CPNE4: variants seen among roughly 807,000 people sequenced by gnomAD.
CPNE4 encodes the protein copine-4.
CPNE4 carries 25 observed loss-of-function variants against 67.9 expected under a neutral mutation model. The ratio of observed to expected loss-of-function variants is 0.37; its 90% CI spans 0.27 to 0.51. CPNE4 has a LOEUF of 0.51. Among genes scored for constraint, CPNE4 ranks in the 20% least tolerant of loss-of-function variants. The pLI is 0.93. For missense variants in CPNE4, 464 were observed against 690.8 expected (o/e 0.67, Z 3.68); for synonymous variants, 242 against 244.9 (o/e 0.99, Z 0.11).
intron 2 of CPNE4, among the ~76,000 whole-genome samples, chr3:131,756,662 C>T (rs2082758044): frequency 1.3e-5 from 2 of 152,196 alleles, no homozygotes; most frequent in Non-Finnish European, 2.9e-5. Flanking sequence ...TGGCACTGGG[C>T]CATTAGTGAC....
chr3:131,970,074 G>A (rs572545898), intron 1 of CPNE4, among the ~76,000 whole-genome samples: 13 of 152,296 alleles, frequency 8.5e-5, no homozygotes, highest in African/African-American at 2.9e-4. Context: ...TGAAATTTGG[G>A]TATAGAGCCA....
chr3:131,967,410 A>G (rs966308492), intron 1 of CPNE4, among the ~76,000 whole-genome samples: 4 of 152,168 alleles, frequency 2.6e-5, no homozygotes, highest in Non-Finnish European at 5.9e-5. Flanking sequence ...GGGTATTTAA[A>G]TAGGAAGAAA....
intron 3 of CPNE4, among the ~76,000 whole-genome samples, chr3:131,712,085 T>G (rs1303214664): frequency 2.0e-5 from 3 of 152,200 alleles, no homozygotes; most frequent in Non-Finnish European, 4.4e-5. Context: ...ATTAGAATTC[T>G]TTACAAGTTT....
intron 2 of CPNE4, among the ~76,000 whole-genome samples, chr3:131,888,361 G>A (rs1490818929): frequency 6.6e-6 from 1 of 151,474 alleles, no homozygotes; most frequent in Non-Finnish European, 1.5e-5. Flanking sequence ...TTGATACACA[G>A]TTTCAAGACC....
chr3:132,034,775 G>A lies in CPNE4; in HGVS notation c.-210C>T, dbSNP rs1256435355. The A allele has an allele frequency of 3.0e-6, 3 of 985,126 alleles. No homozygotes were observed. The highest frequency in any genetic ancestry group is 1.8e-5 in the African/African-American group (1 of 57,076). The allele number at this position is 985,126 out of a possible 1,614,324, so 61.0% of individuals were successfully genotyped here. ...GGGAAAGGTGCTGAGAGCAGAGTTC[G>A]GTCTCTCCGGAAACCCTGACTCCAT... On this transcript the variant is annotated 5_prime_UTR_variant, in exon 1 of 16. Coordinates refer to ENST00000429747, the MANE Select transcript of CPNE4 (RefSeq NM_130808.3).
intron 1 of CPNE4, among the ~76,000 whole-genome samples, chr3:131,944,120 T>C (rs915419412): frequency 6.6e-6 from 1 of 152,136 alleles, no homozygotes; most frequent in African/African-American, 2.4e-5. Flanking sequence ...ACTAAAAATG[T>C]TAATTGAACT....
At chr3:131,876,869 G>A (rs544250319) in intron 2 of CPNE4, among the ~76,000 whole-genome samples, 3 of 152,194 alleles carry the variant, frequency 2.0e-5, no homozygotes, top group South Asian at 4.1e-4. Flanking sequence ...TGTAGAAGAT[G>A]CACCAGCACC....
At chr3:131,717,247 T>G (rs2081721463) in intron 3 of CPNE4, among the ~76,000 whole-genome samples, 1 of 152,134 alleles carries the variant, frequency 6.6e-6, no homozygotes, top group Non-Finnish European at 1.5e-5. Flanking sequence ...AGGTTTTTTT[T>G]TTTTTTCTTA....
At chr3:131,979,624 T>C (rs555843977) in intron 1 of CPNE4, among the ~76,000 whole-genome samples, 84 of 152,310 alleles carry the variant, frequency 5.5e-4, no homozygotes, top group African/African-American at 2.0e-3. Context: ...GTTCGTGACT[T>C]TTTATCCATT....
At chr3:131,983,078 T>C (rs2072949659) in intron 1 of CPNE4, among the ~76,000 whole-genome samples, 1 of 152,132 alleles carries the variant, frequency 6.6e-6, no homozygotes, top group African/African-American at 2.4e-5. Context: ...GAAAATACTA[T>C]AAGAACACTA....
intron 12 of CPNE4, 26 bp from the exon 13 acceptor site, chr3:131,552,517 A>G (rs746832315): frequency 1.3e-6 from 2 of 1,599,752 alleles, no homozygotes; most frequent in Admixed American, 3.4e-5. Flanking sequence ...AATTTAAAAA[A>G]CAGGAAGAAA....
chr3:131,544,743 C>A (rs1935728115), intron 14 of CPNE4, among the ~76,000 whole-genome samples: 1 of 152,074 alleles, frequency 6.6e-6, no homozygotes, highest in African/African-American at 2.4e-5. Context: ...TCATAAGTCA[C>A]CCTCTCTAGA....
chr3:131,884,894 ATC>A (rs901046720), intron 2 of CPNE4, among the ~76,000 whole-genome samples: 3 of 152,168 alleles, frequency 2.0e-5, no homozygotes, highest in Non-Finnish European at 4.4e-5. Flanking sequence ...GTCCAATTAA[ATC>A]TCTCTCTTTT....
intron 2 of CPNE4, among the ~76,000 whole-genome samples, chr3:131,778,335 G>A (rs544111827): frequency 1.3e-5 from 2 of 151,986 alleles, no homozygotes; most frequent in African/African-American, 2.4e-5. Flanking sequence ...TGTCTAGCTC[G>A]AGTCTTGGAG....
chr3:131,937,164 T>C (rs55760335), intron 1 of CPNE4, among the ~76,000 whole-genome samples: 9,826 of 152,122 alleles, frequency 0.065, 416 homozygotes, highest in East Asian at 0.13. Flanking sequence ...AATCCTGAAA[T>C]AAAAGCATTA....
chr3:131,602,491 A>T (rs1939260546), intron 7 of CPNE4, among the ~76,000 whole-genome samples: 1 of 152,114 alleles, frequency 6.6e-6, no homozygotes, highest in Non-Finnish European at 1.5e-5. Flanking sequence ...GCTCTTCTGG[A>T]TTGCAGCCAA....
At chr3:131,560,301 G>A (rs905627644) in intron 11 of CPNE4, among the ~76,000 whole-genome samples, 2 of 152,018 alleles carry the variant, frequency 1.3e-5, no homozygotes, top group Non-Finnish European at 2.9e-5. Context: ...AGCAGAGCTG[G>A]GGTTTGAGCC....
intron 1 of CPNE4, among the ~76,000 whole-genome samples, chr3:131,919,179 C>T (rs2070671864): frequency 6.6e-6 from 1 of 152,138 alleles, no homozygotes; most frequent in African/African-American, 2.4e-5. Flanking sequence ...GTAGCAAATG[C>T]TAGCACTAAG....
chr3:131,876,239 AAAATAAATAAATAAATAAAT>A (rs60812638), intron 2 of CPNE4, among the ~76,000 whole-genome samples: 34 of 139,788 alleles, frequency 2.4e-4, no homozygotes, highest in Admixed American at 1.2e-3. Context: ...ACTCGGTCTC[AAAATAAATAAATAAATAAAT>A]AAATAAATAA....
Sources: gnomAD v4.1 joint callset for allele counts (sites outside exome capture counted in the v4.1 genomes callset) on GRCh38, gnomAD v4.1.1 for gene constraint, MANE v1.5 for transcripts, NCBI Gene and HGNC (gene_info 2026-07-23, HGNC 2026-07-21) for gene names.